Variants in DNAH9 observed in about 807,000 individuals in gnomAD.
The protein encoded by DNAH9 is dynein axonemal heavy chain 9, also known as DNAH9 variant protein.
In DNAH9, 345 loss-of-function variants were observed where a neutral mutation model predicts 471.6. The ratio of observed to expected loss-of-function variants is 0.73; its 90% confidence interval spans 0.67 to 0.80. The LOEUF (loss-of-function observed/expected upper bound fraction) is 0.80. DNAH9 is among the 30% of genes least tolerant of loss of function. The probability of loss-of-function intolerance (pLI) is 0.00; values close to 1 mark genes in which losing one functional copy is unlikely to be tolerated. For synonymous variants in DNAH9, 2,093 were observed against 2,123.6 expected (o/e 0.99, Z 0.40); for missense variants, 5,407 against 5,609.2 (o/e 0.96, Z 1.15).
intron 50 of DNAH9, among the ~76,000 whole-genome samples, chr17:11,854,659 G>A (rs1399347616): frequency 2.6e-5 from 4 of 152,190 alleles, no homozygotes; most frequent in Admixed American, 6.5e-5. Flanking sequence ...GCTGTGGTGC[G>A]AAAAGGTTTT....
At position 11,871,687 on chromosome 17, in the gene DNAH9, A is replaced by T; in HGVS notation, c.10143A>T (p.Leu3381Phe). The T allele has an allele frequency of 1.2e-6, 2 of 1,614,166 alleles. No individual in the cohort carries two copies. Among genetic ancestry groups the T allele is most frequent in the Non-Finnish European group, 1.7e-6 (2 of 1,180,016 alleles). Residue 3381 changes from leucine (L) to phenylalanine (F), a missense_variant, in exon 52 of 69, where the codon TTA becomes TTT. Transcript: ENST00000262442. ...AAAGGACGTTATGTGGAGACATTTT[A>T]CTTATAACGGCTTTCATTTCCTACC... ...QQERTLCGDI[L>F]LITAFISYLG...
Position 11,856,543 on chromosome 17 carries a change from CAAAA to C in DNAH9, c.9933+2125_9933+2128del, listed in dbSNP as rs34782323. ...TGAAACCCCGTCTTTACTAAAAATACAAAAAAAAAAAAATTAGCCGGGCGTGGTG... is the reference window on the plus strand; with the variant it reads ...TGAAACCCCGTCTTTACTAAAAATACAAAAAAAAATTAGCCGGGCGTGGTG... On this transcript the variant is annotated intron_variant, in intron 50 of 68. Coordinates refer to ENST00000262442, the MANE Select transcript of DNAH9 (RefSeq NM_001372.4). Among the ~76,000 whole-genome samples, 287 of 137,084 alleles carry C rather than the reference CAAAA, an allele frequency of 2.1e-3. 1 individual carries two copies. Among genetic ancestry groups the C allele is most frequent in the African/African-American group, 7.9e-3 (282 of 35,770 alleles). 89.9% of individuals were successfully genotyped at this position (137,084 alleles called of 152,430 possible). A position where few individuals can be genotyped will look rare whatever the true frequency, so the allele number is the denominator to read the frequency against.
At chr17:11,686,405 C>T (rs2074242446) in intron 19 of DNAH9, among the ~76,000 whole-genome samples, 2 of 152,168 alleles carry the variant, frequency 1.3e-5, no homozygotes, top group Admixed American at 1.3e-4. Context: ...AAAGACTCAA[C>T]CCACCCTTTT....
intron 46 of DNAH9, 50 bp downstream of exon 46, chr17:11,822,112 G>A (rs749977902): frequency 1.3e-6 from 2 of 1,574,346 alleles, no homozygotes; most frequent in East Asian, 4.5e-5. Flanking sequence ...GATGATTCAT[G>A]GGAGCTTCCA....
Position 11,888,186 on chromosome 17 carries a change from G to A in DNAH9, c.11112+1221G>A, listed in dbSNP as rs957755582. On this transcript the variant is annotated intron_variant, in intron 57 of 68. Transcript: ENST00000262442. ...TTTTTAGTAGAGACGGGGTTTCACT[G>A]TGTTAGCCAGGATGGTCTCGATCTC... 9.2e-5 allele frequency among the ~76,000 whole-genome samples: 14 copies of A among 151,830 alleles called. No individual in the cohort carries two copies. In the South Asian group the frequency reaches 1.0e-3, roughly 11 times the overall value.
intron 49 of DNAH9, among the ~76,000 whole-genome samples, chr17:11,839,768 T>G (rs62060906): frequency 0.26 from 39,805 of 152,130 alleles, 6,696 homozygotes; most frequent in Non-Finnish European, 0.39. Context: ...TAAGGTATGA[T>G]GCTTTTGATA....
chr17:11,649,689 C>T (rs958562644), intron 12 of DNAH9, among the ~76,000 whole-genome samples: 2 of 152,110 alleles, frequency 1.3e-5, no homozygotes, highest in Non-Finnish European at 2.9e-5. Context: ...CAAATAGTTT[C>T]CAGACTGTTG....
In DNAH9 at chr17:11,929,904, G is replaced by T. The variant is rs562894687; in HGVS notation, c.11916G>T (p.Glu3972Asp). Residue 3972 changes from glutamate to aspartate, a missense_variant, in exon 63 of 69, where the codon GAG becomes GAT. This residue lies in a region of DNAH9 where 4,636 missense variants were observed against 4,900.3 expected (regional missense o/e 0.95). Coordinates refer to ENST00000262442, the MANE Select transcript of DNAH9 (RefSeq NM_001372.4). ...TGGCCAAGTGGCTCAGCACCCTGGA[G>T]AAGAAGCTGGAGGAGCACAGTGAGA... The part of the protein sequence containing the change: ...HLVAKWLSTL[E>D]KKLEEHSENS... The T allele has an allele frequency of 1.9e-6, 3 of 1,613,978 alleles. No homozygotes were observed. Among genetic ancestry groups the T allele is most frequent in the Admixed American group, 3.3e-5 (2 of 60,004 alleles).
chr17:11,734,796 G>A (rs989062983), intron 28 of DNAH9, among the ~76,000 whole-genome samples: 3 of 152,208 alleles, frequency 2.0e-5, no homozygotes, highest in African/African-American at 7.2e-5. Flanking sequence ...ATTTCTATGA[G>A]CACCGATGCT....
intron 14 of DNAH9, among the ~76,000 whole-genome samples, chr17:11,656,365 T>G (rs1021268267): frequency 1.3e-5 from 2 of 152,238 alleles, no homozygotes; most frequent in Non-Finnish European, 2.9e-5. Flanking sequence ...TTATCTTCTT[T>G]TGAGAATTGT....
chr17:11,934,522 T>C (rs1974635912), intron 65 of DNAH9, among the ~76,000 whole-genome samples: 1 of 142,408 alleles, frequency 7.0e-6, no homozygotes, highest in Non-Finnish European at 1.5e-5. Flanking sequence ...CTCTGCTCAC[T>C]GCAAGCTCCG....
chr17:11,670,887 G>C (rs1020972612), intron 17 of DNAH9, among the ~76,000 whole-genome samples: 1 of 152,148 alleles, frequency 6.6e-6, no homozygotes, highest in Non-Finnish European at 1.5e-5. Context: ...ACTTTTAGTG[G>C]AGACAGGGTT....
intron 27 of DNAH9, among the ~76,000 whole-genome samples, chr17:11,719,899 A>G (rs1049197838): frequency 6.6e-6 from 1 of 152,192 alleles, no homozygotes; most frequent in Admixed American, 6.5e-5. Context: ...TCTTCACATA[A>G]AAGCTTGACG....
chr17:11,927,824 A>C (rs1452375011), intron 62 of DNAH9, among the ~76,000 whole-genome samples: 2 of 152,136 alleles, frequency 1.3e-5, no homozygotes. Flanking sequence ...GGATCTCTGA[A>C]TCCACCCCAG....
chr17:11,884,515 C>G lies in DNAH9; in HGVS notation c.10971+765C>G, dbSNP rs113429812. ...GTGTCCAGGAACAATATACCTTTGACGGAAGATGCTTATTGCCAGATTATT... is the reference window on the plus strand; with the variant it reads ...GTGTCCAGGAACAATATACCTTTGAGGGAAGATGCTTATTGCCAGATTATT... On this transcript the variant is annotated intron_variant, in intron 56 of 68. Coordinates refer to ENST00000262442, the MANE Select transcript of DNAH9 (RefSeq NM_001372.4). The G allele has an allele frequency of 3.6e-3, 1,653 of 454,768 alleles. 24 individuals carry two copies. Among genetic ancestry groups the G allele is most frequent in the African/African-American group, 0.029 (1,463 of 50,114 alleles). The allele number at this position is 454,768 out of a possible 1,614,324, so 28.2% of individuals were successfully genotyped here.
At chr17:11,876,336 C>T (rs763589238) in intron 53 of DNAH9, among the ~76,000 whole-genome samples, 5 of 152,052 alleles carry the variant, frequency 3.3e-5, no homozygotes, top group South Asian at 2.1e-4. Flanking sequence ...TTTTCCATAA[C>T]GTGATTATTA....
At chr17:11,614,512 TC>T (rs2072701815) in intron 4 of DNAH9, among the ~76,000 whole-genome samples, 1 of 152,216 alleles carries the variant, frequency 6.6e-6, no homozygotes, top group African/African-American at 2.4e-5. Flanking sequence ...TAGAGAGTTT[TC>T]TTTATTTGCA....
intron 32 of DNAH9, among the ~76,000 whole-genome samples, chr17:11,750,203 T>C (rs1354007280): frequency 6.6e-6 from 1 of 151,774 alleles, no homozygotes; most frequent in Non-Finnish European, 1.5e-5. Flanking sequence ...GAGGCCAAGA[T>C]GGGAAGATCA....
rs1967219984 is a variant in DNAH9, at chr17:11,752,935, T to C, written c.6713T>C (p.Leu2238Pro). 1.2e-6 allele frequency: 2 copies of C among 1,603,714 alleles called. No individual in the cohort carries two copies. The highest frequency in any genetic ancestry group is 4.5e-5 in the East Asian group (2 of 44,396). Residue 2238 changes from leucine to proline, a missense_variant, in exon 33 of 69, where the codon CTG (leucine) becomes CCG (proline). Physicochemically the swap from Leu to Pro is moderately conservative, Grantham distance 98. Around this residue, in one of 3 missense-constraint regions of DNAH9, gnomAD observed 4,636 missense variants for 4,900.3 expected, o/e 0.95. Transcript: ENST00000262442. ...GDIDPMWIES[L>P]NTVMDDNKVL... ...ATAGATCCAATGTGGATTGAATCCC[T>C]GAATACTGTCATGGATGATAACAAG...
Sources: gnomAD v4.1 joint callset for allele counts (sites outside exome capture counted in the v4.1 genomes callset) on GRCh38, gnomAD v4.1.1 for gene constraint, gnomAD v4.1.1 regional missense constraint, MANE v1.5 for transcripts, NCBI Gene and HGNC (gene_info 2026-07-23, HGNC 2026-07-21) for gene names.